IGDCC3: variants seen among roughly 807,000 people sequenced by gnomAD.
IGDCC3 encodes putative neuronal cell adhesion molecule.
A neutral mutation model predicts 72.0 loss-of-function variants in IGDCC3; 47 were observed. That is an observed-to-expected ratio of 0.65 (90% confidence interval 0.52 to 0.83). IGDCC3 has a LOEUF of 0.83. IGDCC3 is among the 40% of genes least tolerant of loss of function. The pLI, the probability that IGDCC3 is intolerant of heterozygous loss-of-function variation, is 0.00. For missense variants in IGDCC3, 1,038 were observed against 1,091.3 expected, an observed-to-expected ratio of 0.95 and a Z score of 0.69; for synonymous variants, 477 against 472.8, an observed-to-expected ratio of 1.01 and a Z score of -0.11.
At chr15:65,337,933 G>T (rs1000507356) in intron 2 of IGDCC3, among the ~76,000 whole-genome samples, 11 of 152,200 alleles carry the variant, frequency 7.2e-5, no homozygotes, top group African/African-American at 2.7e-4. Context: ...AAATCCTTTT[G>T]TGCTTCTAGC....
chr15:65,374,821 T>A (rs1220852156), intron 2 of IGDCC3, among the ~76,000 whole-genome samples: 1 of 152,198 alleles, frequency 6.6e-6, no homozygotes, highest in Non-Finnish European at 1.5e-5. Context: ...AACTAAGACA[T>A]GCTGACCCAA....
rs200974897 is a variant in IGDCC3, at chr15:65,330,765, G to A, written c.1562-24C>T. 42 of 1,555,898 alleles carry A rather than the reference G, an allele frequency of 2.7e-5. No homozygotes were observed. The Admixed American group carries it at 4.9e-4, about 18-fold the overall frequency. On this transcript the variant is annotated intron_variant, in intron 9 of 13. Coordinates refer to ENST00000327987, the MANE Select transcript of IGDCC3 (RefSeq NM_004884.4). Reference sequence around the variant, plus strand: ...GGCTGCAGGTAGAGAAGGAGGCCACGATGTGAGGACCCAGTGGAAGCTCTA... The same window carrying A: ...GGCTGCAGGTAGAGAAGGAGGCCACAATGTGAGGACCCAGTGGAAGCTCTA...
Position 65,329,475 on chromosome 15 carries a change from C to A in IGDCC3, c.2120G>T (p.Arg707Leu). ...ARRGQRGQLG[R>L]DEKRVDMKEL... ...CTTCATATCCACACGTTTCTCGTCT[C>A]GGCCCAGCTGGCCCCGCTGTCCCCG... The change falls in exon 13 of 14, where the codon CGA becomes CTA. Residue 707 changes from arginine to leucine, a missense_variant. Arg to Leu is a moderately radical substitution (Grantham distance 102). Transcript: ENST00000327987. This position sits in a 1 kb window ranked among gnomAD's most constrained non-coding sequence, Gnocchi z 4.1. 3.1e-6 allele frequency: 5 copies of A among 1,610,926 alleles called. No individual in the cohort carries two copies. The highest frequency in any genetic ancestry group is 2.5e-6 in the Non-Finnish European group (3 of 1,179,058).
chr15:65,349,484 A>T (rs1352571438), intron 2 of IGDCC3, among the ~76,000 whole-genome samples: 1 of 152,256 alleles, frequency 6.6e-6, no homozygotes, highest in Non-Finnish European at 1.5e-5. Flanking sequence ...TGCGAAAAAG[A>T]ATTCTAAGGC....
chr15:65,334,598 A>G, intron 5 of IGDCC3, 130 bp downstream of exon 5: 1 of 869,622 alleles, frequency 1.1e-6, no homozygotes, highest in Non-Finnish European at 1.7e-6. Flanking sequence ...GGTCACAGGG[A>G]TAGAATGGAC....
At chr15:65,360,926 C>A (rs907690101) in intron 2 of IGDCC3, among the ~76,000 whole-genome samples, 1 of 152,166 alleles carries the variant, frequency 6.6e-6, no homozygotes, top group Non-Finnish European at 1.5e-5. Context: ...CAGGCACACA[C>A]CACCATGCCT....
chr15:65,331,792 G>C (rs1595749604), intron 7 of IGDCC3, 133 bp from the exon 8 acceptor site: 5 of 1,376,872 alleles, frequency 3.6e-6, no homozygotes, highest in Non-Finnish European at 4.9e-6. Flanking sequence ...CAAGTTGGTG[G>C]TGGAACTGGG....
At chr15:65,332,970 C>A (rs1244994712) in intron 6 of IGDCC3, among the ~76,000 whole-genome samples, 3 of 152,148 alleles carry the variant, frequency 2.0e-5, no homozygotes, top group Non-Finnish European at 2.9e-5. Flanking sequence ...GGGACACCAG[C>A]TGAGATGAGA....
At chr15:65,360,129 TC>T (rs767767772) in intron 2 of IGDCC3, among the ~76,000 whole-genome samples, 27 of 152,298 alleles carry the variant, frequency 1.8e-4, no homozygotes, top group African/African-American at 4.6e-4. Context: ...AACCCTGTCT[TC>T]TGATTCCCTC....
intron 2 of IGDCC3, among the ~76,000 whole-genome samples, chr15:65,362,241 C>T (rs931922751): frequency 6.6e-6 from 1 of 152,156 alleles, no homozygotes; most frequent in African/African-American, 2.4e-5. Context: ...GGTCTCCCCA[C>T]ACCACATTCC....
intron 4 of IGDCC3, 49 bp downstream of exon 4, chr15:65,335,242 G>C (rs376749921): frequency 7.7e-6 from 12 of 1,568,374 alleles, no homozygotes; most frequent in African/African-American, 2.7e-5. Context: ...GTAGGGAGGA[G>C]GAGGAGGCCA....
intron 2 of IGDCC3, among the ~76,000 whole-genome samples, chr15:65,363,310 A>G (rs1372649857): frequency 6.6e-6 from 1 of 152,190 alleles, no homozygotes; most frequent in Admixed American, 6.5e-5. Context: ...ATGAGCCCCC[A>G]AAACCAAGGG....
Position 65,330,415 on chromosome 15 carries a change from G to A in IGDCC3, c.1754-18C>T, listed in dbSNP as rs372515790. ...AGTGGGGTCTGGAGGAAGGCAGGGCGGATGAGCAACTGCCCCTGCCCAACC... is the reference window on the plus strand; with the variant it reads ...AGTGGGGTCTGGAGGAAGGCAGGGCAGATGAGCAACTGCCCCTGCCCAACC... On this transcript the variant is annotated intron_variant, in intron 10 of 13. Transcript: ENST00000327987. 26 of 1,601,458 alleles carry A rather than the reference G, an allele frequency of 1.6e-5. No individual in the cohort carries two copies. Among genetic ancestry groups the A allele is most frequent in the Middle Eastern group, 3.3e-4 (2 of 6,022 alleles).
At chr15:65,375,589 G>A (rs1006424254) in intron 1 of IGDCC3, among the ~76,000 whole-genome samples, 187 bp from the exon 2 acceptor site, 6 of 152,146 alleles carry the variant, frequency 3.9e-5, no homozygotes, top group East Asian at 1.9e-4. Flanking sequence ...CATCCAAGGC[G>A]GTACTTTACT....
intron 2 of IGDCC3, among the ~76,000 whole-genome samples, chr15:65,370,214 T>C (rs1390419999): frequency 6.6e-6 from 1 of 151,914 alleles, no homozygotes; most frequent in East Asian, 1.9e-4. Context: ...AAAATGATAA[T>C]AGTTAATATT....
At chr15:65,334,654 G>A in intron 5 of IGDCC3, 74 bp downstream of exon 5, 1 of 1,282,908 alleles carries the variant, frequency 7.8e-7, no homozygotes, top group Non-Finnish European at 1.0e-6. Context: ...GGAGCTGGGT[G>A]AGGAGTCTGA....
At position 65,333,271 on chromosome 15, in the gene IGDCC3, C is replaced by T. The variant is rs754726071; in HGVS notation, c.968G>A (p.Arg323Gln). The T allele has an allele frequency of 3.7e-6, 6 of 1,608,710 alleles. No homozygotes were observed. The highest frequency in any genetic ancestry group is 1.1e-5 in the South Asian group (1 of 90,360). Reference sequence around the variant, plus strand: ...CTGATCCATACCTTGCACCACCAGCCGGCCCTGTGCCGTTCTCCTCACCCG... The same window carrying T: ...CTGATCCATACCTTGCACCACCAGCTGGCCCTGTGCCGTTCTCCTCACCCG... ...GTRVRRTAQGRLVVQAPAEFV... is the reference protein window; with the variant it reads ...GTRVRRTAQGQLVVQAPAEFV... The change falls in exon 6 of 14, where the codon CGG (arginine) becomes CAG (glutamine). Residue 323 changes from arginine to glutamine, a missense_variant. Arg to Gln is a conservative substitution (Grantham distance 43). Coordinates refer to ENST00000327987, the MANE Select transcript of IGDCC3 (RefSeq NM_004884.4).
chr15:65,377,012 C>T lies in IGDCC3; in HGVS notation c.103+674G>A, dbSNP rs1471510888. On this transcript the variant is annotated intron_variant, in intron 1 of 13. Coordinates refer to ENST00000327987, the MANE Select transcript of IGDCC3 (RefSeq NM_004884.4). This position sits in a 1 kb window ranked among gnomAD's most constrained non-coding sequence, Gnocchi z 4.9. ...AGCCAGGGCAAGGTCTCCGCGTGTG[C>T]ACACTTCGGGGAAGGGCAGGGGCAC... Among the ~76,000 whole-genome samples, 1 of 152,124 alleles carries T rather than the reference C, an allele frequency of 6.6e-6. No homozygotes were observed. Among genetic ancestry groups the T allele is most frequent in the Non-Finnish European group, 1.5e-5 (1 of 68,016 alleles).
intron 2 of IGDCC3, among the ~76,000 whole-genome samples, chr15:65,361,765 T>C (rs2091263208): frequency 6.6e-6 from 1 of 152,176 alleles, no homozygotes; most frequent in South Asian, 2.1e-4. Context: ...CGAGCAACCA[T>C]GCAGCGCGGC....
Sources: gnomAD v4.1 joint callset for allele counts (sites outside exome capture counted in the v4.1 genomes callset) on GRCh38, gnomAD v4.1.1 for gene constraint, Gnocchi (gnomAD v3.1) non-coding constraint, MANE v1.5 for transcripts, NCBI Gene and HGNC (gene_info 2026-07-23, HGNC 2026-07-21) for gene names.